RNF122: variants seen among roughly 807,000 people sequenced by gnomAD.
RNF122 encodes the protein ring finger protein 122.
Under a neutral mutation model 24.2 loss-of-function variants are expected in RNF122, and 17 were observed. That is an observed-to-expected ratio of 0.70 (90% confidence interval 0.48 to 1.06). The LOEUF (loss-of-function observed/expected upper bound fraction) is 1.06, where lower values mean the gene tolerates loss of function less well. Among genes scored for constraint, RNF122 ranks in the 50% least tolerant of loss-of-function variants. The pLI is 0.00. For missense variants in RNF122, 168 were observed against 198.1 expected, an observed-to-expected ratio of 0.85 and a Z score of 0.91; for synonymous variants, 65 against 71.8, an observed-to-expected ratio of 0.91 and a Z score of 0.48.
intron 2 of RNF122, among the ~76,000 whole-genome samples, chr8:33,558,340 A>T (rs567644363): frequency 3.3e-5 from 5 of 152,290 alleles, no homozygotes; most frequent in African/African-American, 1.2e-4. Context: ...TCACACAGTA[A>T]TTCTAGGCAA....
intron 2 of RNF122, 48 bp downstream of exon 2, chr8:33,558,564 TCTC>T: frequency 6.7e-7 from 1 of 1,499,938 alleles, no homozygotes; most frequent in Non-Finnish European, 9.0e-7. Flanking sequence ...ACAACCCTGG[TCTC>T]CTCCCTCCTG....
chr8:33,558,777 A>G lies in RNF122; in HGVS notation c.26-6T>C. On this transcript the variant is annotated splice_region_variant and splice_polypyrimidine_tract_variant and intron_variant, in intron 1 of 5. Coordinates refer to ENST00000256257, the MANE Select transcript of RNF122 (RefSeq NM_024787.3). ...TCCCAGGCCACAGAAACACCCTGCA[A>G]AGGGAGAGAAAAAAAAATCATTAGG... 6.7e-7 allele frequency: 1 copy of G among 1,498,868 alleles called. No individual in the cohort carries two copies. Among genetic ancestry groups the G allele is most frequent in the Non-Finnish European group, 8.9e-7 (1 of 1,126,486 alleles). The allele number at this position is 1,498,868 out of a possible 1,614,324, so 92.8% of individuals were successfully genotyped here.
intron 2 of RNF122, among the ~76,000 whole-genome samples, chr8:33,558,138 A>G (rs1348427941): frequency 2.0e-5 from 3 of 152,176 alleles, no homozygotes; most frequent in Non-Finnish European, 4.4e-5. Flanking sequence ...AAACAAAACA[A>G]AAACCAAGTA....
intron 1 of RNF122, among the ~76,000 whole-genome samples, chr8:33,561,554 T>A (rs564768743): frequency 2.6e-5 from 4 of 151,962 alleles, no homozygotes; most frequent in African/African-American, 9.6e-5. Flanking sequence ...TTTTTTTAAT[T>A]TTTTTTTAGA....
intron 2 of RNF122, among the ~76,000 whole-genome samples, chr8:33,556,352 G>A (rs1040815691): frequency 5.3e-5 from 8 of 152,060 alleles, no homozygotes; most frequent in South Asian, 2.1e-4. Flanking sequence ...GGACTCAAGC[G>A]ACTCTCCTGC....
intron 2 of RNF122, among the ~76,000 whole-genome samples, chr8:33,556,715 C>T (rs1563369382): frequency 6.6e-6 from 1 of 152,192 alleles, no homozygotes; most frequent in South Asian, 2.1e-4. Context: ...TACCAGAAAT[C>T]TACCCTCATC....
At chr8:33,566,472 C>A (rs925456798) in intron 1 of RNF122, among the ~76,000 whole-genome samples, 5 of 152,184 alleles carry the variant, frequency 3.3e-5, no homozygotes, top group African/African-American at 7.2e-5. Context: ...GCCCCCGGCC[C>A]GCCGCCAGTC....
Position 33,558,670 on chromosome 8 carries a change from C to G in RNF122, c.127G>C (p.Gly43Arg). ...LPLNIYMVIF[G>R]TGIFVFMLSL... ...AGCATGAAGACAAAGATGCCTGTGC[C>G]GAAGATGACCATATAGATGTTGAGC... is the stretch of plus-strand genomic sequence containing the variant. Residue 43 changes from glycine (G) to arginine (R), a missense_variant, in exon 2 of 6, where the codon GGC becomes CGC. Coordinates refer to ENST00000256257, the MANE Select transcript of RNF122 (RefSeq NM_024787.3). 6.2e-7 allele frequency: 1 copy of G among 1,611,862 alleles called. No homozygotes were observed. Among genetic ancestry groups the G allele is most frequent in the Non-Finnish European group, 8.5e-7 (1 of 1,178,598 alleles).
chr8:33,558,703 C>A lies in RNF122; in HGVS notation c.94G>T (p.Asp32Tyr). The change falls in exon 2 of 6, where the codon GAC becomes TAC. Residue 32 changes from aspartate (D) to tyrosine (Y), a missense_variant. Coordinates refer to ENST00000256257, the MANE Select transcript of RNF122 (RefSeq NM_024787.3). ...ACCATATAGATGTTGAGCGGAAGGT[C>A]CTGGAAACTGATGGGTGGCATCGAG... ...SCSMPPISFQDLPLNIYMVIF... is the reference protein window; with the variant it reads ...SCSMPPISFQYLPLNIYMVIF... The A allele has an allele frequency of 6.2e-7, 1 of 1,612,548 alleles. No individual in the cohort carries two copies. Among genetic ancestry groups the A allele is most frequent in the Non-Finnish European group, 8.5e-7 (1 of 1,178,954 alleles).
At chr8:33,562,034 C>T (rs966122266) in intron 1 of RNF122, among the ~76,000 whole-genome samples, 2 of 152,106 alleles carry the variant, frequency 1.3e-5, no homozygotes, top group African/African-American at 4.8e-5. Context: ...TTTGTTTACA[C>T]AGCTTTCCCT....
Position 33,558,753 on chromosome 8 carries a change from C to G in RNF122, c.44G>C (p.Gly15Ala). 1.3e-6 allele frequency: 2 copies of G among 1,583,504 alleles called. No homozygotes were observed. Among genetic ancestry groups the G allele is most frequent in the East Asian group, 2.2e-5 (1 of 44,534 alleles). The change falls in exon 2 of 6, where the codon GGA becomes GCA. Residue 15 changes from glycine to alanine, a missense_variant. Gly to Ala is a moderately conservative substitution (Grantham distance 60). Transcript: ENST00000256257. ...QWCNGCFCGL[G>A]LVSTNKSCSM... Reference sequence around the variant, plus strand: ...GCAGGACTTGTTGGTGCTAACCAGTCCCAGGCCACAGAAACACCCTGCAAA... The same window carrying G: ...GCAGGACTTGTTGGTGCTAACCAGTGCCAGGCCACAGAAACACCCTGCAAA...
At chr8:33,549,616 C>G in intron 4 of RNF122, 124 bp from the exon 5 acceptor site, 1 of 674,244 alleles carries the variant, frequency 1.5e-6, no homozygotes, top group Non-Finnish European at 2.7e-6. Flanking sequence ...TTTAGCCATC[C>G]TTTACAAAAC....
chr8:33,554,716 C>T (rs916348457), intron 2 of RNF122, among the ~76,000 whole-genome samples: 8 of 152,196 alleles, frequency 5.3e-5, no homozygotes, highest in Non-Finnish European at 8.8e-5. Context: ...CATTTCTAGC[C>T]GCTGCCAGTG....
chr8:33,553,080 A>C (rs1309244217), intron 2 of RNF122, among the ~76,000 whole-genome samples: 1 of 151,244 alleles, frequency 6.6e-6, no homozygotes, highest in African/African-American at 2.4e-5. Context: ...CAAAAAAAAA[A>C]AAAAAAAAAA....
At chr8:33,559,040 A>C (rs928057523) in intron 1 of RNF122, among the ~76,000 whole-genome samples, 1 of 152,208 alleles carries the variant, frequency 6.6e-6, no homozygotes, top group Non-Finnish European at 1.5e-5. Context: ...GTGGTGGCTC[A>C]TGCCTGTAAT....
intron 2 of RNF122, among the ~76,000 whole-genome samples, chr8:33,554,431 T>A (rs1279139885): frequency 6.6e-6 from 1 of 152,176 alleles, no homozygotes; most frequent in Non-Finnish European, 1.5e-5. Context: ...GCCTCTTGTC[T>A]GGCTGGATCC....
At position 33,558,682 on chromosome 8, in the gene RNF122, T is replaced by C. The variant is rs760103544; in HGVS notation, c.115A>G (p.Met39Val). Residue 39 changes from methionine (M) to valine (V), a missense_variant, in exon 2 of 6, where the codon ATG becomes GTG. Physicochemically the swap from Met to Val is conservative, Grantham distance 21. Coordinates refer to ENST00000256257, the MANE Select transcript of RNF122 (RefSeq NM_024787.3). Reference protein sequence around the residue: ...SFQDLPLNIYMVIFGTGIFVF... With the variant: ...SFQDLPLNIYVVIFGTGIFVF... The stretch of plus-strand genomic sequence containing the variant: ...AAGATGCCTGTGCCGAAGATGACCA[T>C]ATAGATGTTGAGCGGAAGGTCCTGG... 24 of 1,611,988 alleles carry C rather than the reference T, an allele frequency of 1.5e-5. No homozygotes were observed. Among genetic ancestry groups the C allele is most frequent in the Non-Finnish European group, 2.0e-5 (23 of 1,178,646 alleles).
chr8:33,563,197 A>C (rs1810567827), intron 1 of RNF122, among the ~76,000 whole-genome samples: 2 of 152,080 alleles, frequency 1.3e-5, no homozygotes, highest in African/African-American at 4.8e-5. Flanking sequence ...TGTCCGGCCT[A>C]GCCTAGAGTT....
chr8:33,566,101 C>T (rs1810618508), intron 1 of RNF122, among the ~76,000 whole-genome samples: 1 of 152,148 alleles, frequency 6.6e-6, no homozygotes, highest in South Asian at 2.1e-4. Context: ...GATCCGCCCG[C>T]CTCGGCCTCC....
Sources: allele counts gnomAD v4.1 joint callset (sites outside exome capture counted in the v4.1 genomes callset), GRCh38; gene constraint gnomAD v4.1.1; transcripts MANE v1.5; gene names NCBI Gene and HGNC (gene_info 2026-07-23, HGNC 2026-07-21).